Variants in PIN4 observed in about 807,000 individuals in gnomAD.
The protein encoded by PIN4 is peptidyl-prolyl cis-trans isomerase NIMA-interacting 4.
A neutral mutation model predicts 8.3 loss-of-function variants in PIN4; 3 were observed. The observed-to-expected ratio is 0.36, with a 90% CI of 0.16 to 0.93. The LOEUF (loss-of-function observed/expected upper bound fraction) is 0.93, where lower values mean the gene tolerates loss of function less well. PIN4 is among the 40% of genes least tolerant of loss of function. The pLI is 0.44. For missense variants in PIN4, 75 were observed against 100.6 expected, an observed-to-expected ratio of 0.75 and a Z score of 1.09; for synonymous variants, 18 against 32.5, an observed-to-expected ratio of 0.55 and a Z score of 1.52.
intron 3 of PIN4, among the ~76,000 whole-genome samples, chrX:72,215,288 C>T (rs774391098): frequency 1.8e-5 from 2 of 111,569 alleles, no homozygotes; most frequent in African/African-American, 6.5e-5. Context: ...TATTCTATAT[C>T]CTGATAGGGG....
chrX:72,245,424 C>G (rs2043064467), intron 3 of PIN4, among the ~76,000 whole-genome samples: 1 of 111,783 alleles, frequency 8.9e-6, no homozygotes, highest in Non-Finnish European at 1.9e-5. Context: ...CCCGCCTCAG[C>G]CTCTCAAAGT....
intron 3 of PIN4, among the ~76,000 whole-genome samples, chrX:72,217,246 C>A (rs913595581): frequency 9.0e-6 from 1 of 111,484 alleles, no homozygotes; most frequent in Non-Finnish European, 1.9e-5. Flanking sequence ...GTTCAACAAC[C>A]CTGCCTGCTT....
chrX:72,252,300 T>C (rs1390588245), intron 3 of PIN4, among the ~76,000 whole-genome samples: 2 of 110,829 alleles, frequency 1.8e-5, no homozygotes, highest in African/African-American at 6.6e-5. Context: ...GTTCTTGCCA[T>C]CTTGCTCAGG....
intron 3 of PIN4, among the ~76,000 whole-genome samples, chrX:72,220,862 T>G (rs934368071): frequency 8.9e-6 from 1 of 112,046 alleles, no homozygotes; most frequent in African/African-American, 3.2e-5. Context: ...TGTGTTTCTT[T>G]TCTCTTTCTT....
intron 3 of PIN4, among the ~76,000 whole-genome samples, chrX:72,249,315 G>T (rs945806461): frequency 1.2e-4 from 13 of 112,381 alleles, no homozygotes; most frequent in Non-Finnish European, 1.9e-5. Context: ...AATACCAAGT[G>T]TTAGCAAAGA....
chrX:72,247,838 G>A (rs1034174659), intron 3 of PIN4, among the ~76,000 whole-genome samples: 1 of 112,046 alleles, frequency 8.9e-6, no homozygotes, highest in Admixed American at 9.5e-5. Context: ...AAAAAGGCAG[G>A]GTGAAGACAA....
At chrX:72,243,667 C>T (rs901231481) in intron 3 of PIN4, among the ~76,000 whole-genome samples, 3 of 112,140 alleles carry the variant, frequency 2.7e-5, no homozygotes, top group African/African-American at 9.7e-5. Flanking sequence ...GTCATCCGCA[C>T]TCACAGGCCG....
chrX:72,218,596 C>T (rs1390902168), intron 3 of PIN4, among the ~76,000 whole-genome samples: 3 of 108,468 alleles, frequency 2.8e-5, no homozygotes, highest in Non-Finnish European at 3.8e-5. Flanking sequence ...CAGGTTCAAG[C>T]GACTGTCCTG....
At chrX:72,235,848 C>T (rs1216279667) in intron 3 of PIN4, among the ~76,000 whole-genome samples, 1 of 111,785 alleles carries the variant, frequency 8.9e-6, no homozygotes, top group Non-Finnish European at 1.9e-5. Context: ...TGGATATCCT[C>T]GGGAGGCCAT....
rs2042767956 is a variant in PIN4 at position 72,196,725 on chromosome X, T to C, written c.118-60T>C. 3.9e-5 allele frequency: 40 copies of C among 1,038,532 alleles called. No homozygotes were observed. In the South Asian group the frequency reaches 8.7e-4, roughly 23 times the overall value. 85.6% of individuals were successfully genotyped at this position (1,038,532 alleles called of 1,213,427 possible). A position where few individuals can be genotyped will look rare whatever the true frequency, so the allele number is the denominator to read the frequency against. ...GTGGGGGTAATCCAAATGTAACCAC[T>C]GTACTTTAAGGAGTCATTTGGGTCT... On this transcript the variant is annotated intron_variant, in intron 2 of 3. Transcript: ENST00000373669.
chrX:72,210,199 TAAAAAATA>T (rs1424042074), intron 3 of PIN4, among the ~76,000 whole-genome samples: 4 of 77,784 alleles, frequency 5.1e-5, no homozygotes, highest in Non-Finnish European at 9.6e-5. Context: ...GACTGTCTCT[TAAAAAATA>T]AATAAATAAA....
intron 3 of PIN4, among the ~76,000 whole-genome samples, chrX:72,238,353 T>TA (rs1331211535): frequency 1.8e-5 from 2 of 111,968 alleles, no homozygotes. Context: ...CGCCATCCCT[T>TA]AGCTGACCAC....
downstream of PIN4, among the ~76,000 whole-genome samples, chrX:72,201,293 G>C (rs2147578515): frequency 8.9e-6 from 1 of 112,453 alleles, no homozygotes; most frequent in East Asian, 2.8e-4. Flanking sequence ...GTAGTCCAAA[G>C]TTTTTAAATT....
Position 72,196,781 on chromosome X carries a change from G to T in PIN4, c.118-4G>T. The T allele has an allele frequency of 8.3e-7, 1 of 1,197,786 alleles. No individual in the cohort carries two copies. Among genetic ancestry groups the T allele is most frequent in the Non-Finnish European group, 1.1e-6 (1 of 888,788 alleles). Reference sequence around the variant, plus strand: ...TATTACATGAATGTACTTTTTCCTTGCAGGTCAGACACATTCTATGTGAAA... The same window carrying T: ...TATTACATGAATGTACTTTTTCCTTTCAGGTCAGACACATTCTATGTGAAA... On this transcript the variant is annotated splice_polypyrimidine_tract_variant and splice_region_variant and intron_variant, in intron 2 of 3. Coordinates refer to ENST00000373669, the MANE Select transcript of PIN4 (RefSeq NM_006223.4).
At chrX:72,192,055 G>C (rs1009138275) in intron 2 of PIN4, among the ~76,000 whole-genome samples, 1 of 110,836 alleles carries the variant, frequency 9.0e-6, no homozygotes, top group African/African-American at 3.3e-5. Context: ...AGTTTCAAGC[G>C]ATTCTCCTGC....
At chrX:72,205,402 C>G in intron 3 of PIN4, 1 of 1,211,969 alleles carries the variant, frequency 8.3e-7, no homozygotes, top group Non-Finnish European at 1.1e-6. Context: ...ATCTTCAGGA[C>G]CCTTTGCTTC....
chrX:72,251,355 T>A (rs2043086697), intron 3 of PIN4, among the ~76,000 whole-genome samples: 1 of 16,567 alleles, frequency 6.0e-5, no homozygotes, highest in South Asian at 0.016. Context: ...ACAGCGAGAC[T>A]CTGTCTCAAA....
At chrX:72,236,863 T>C (rs2043020026) in intron 3 of PIN4, among the ~76,000 whole-genome samples, 1 of 112,425 alleles carries the variant, frequency 8.9e-6, no homozygotes, top group East Asian at 2.8e-4. Context: ...GAGGACTTAC[T>C]GTATACACAC....
At chrX:72,220,315 C>G (rs113914912) in intron 3 of PIN4, among the ~76,000 whole-genome samples, 13,238 of 111,052 alleles carry the variant, frequency 0.12, 1,037 homozygotes, top group East Asian at 0.48. Context: ...TCCTGTTAGA[C>G]TTTCTATTAT....
Sources: gnomAD v4.1 joint callset for allele counts (sites outside exome capture counted in the v4.1 genomes callset) on GRCh38, gnomAD v4.1.1 for gene constraint, MANE v1.5 for transcripts, NCBI Gene and HGNC (gene_info 2026-07-23, HGNC 2026-07-21) for gene names.